The following DHRSX variants were observed in gnomAD, a reference collection of about 807,000 sequenced individuals.
DHRSX encodes polyprenol dehydrogenase.
A neutral mutation model predicts 34.0 loss-of-function variants in DHRSX; 31 were observed. The observed-to-expected ratio is 0.91, with a 90% CI of 0.69 to 1.23. The LOEUF is 1.23. Among genes scored for constraint, DHRSX ranks in the 50% most tolerant of loss-of-function variants. DHRSX has a pLI of 0.00. For synonymous variants in DHRSX, 201 were observed against 183.8 expected, an observed-to-expected ratio of 1.09 and a Z score of -0.76; for missense variants, 414 against 428.1, an observed-to-expected ratio of 0.97 and a Z score of 0.29.
chrX:2,459,831 G>A (rs930707239), intron 1 of DHRSX, among the ~76,000 whole-genome samples: 4 of 152,076 alleles, frequency 2.6e-5, no homozygotes, highest in Admixed American at 2.0e-4. Context: ...CACTGGGCCG[G>A]GCGCGGTGGC....
At position 2,473,132 on chromosome X, in the gene DHRSX, C is replaced by G. The variant is rs147343800; in HGVS notation, c.109+27685G>C. ...CCTCACCAGCCTCAGGAACGTGGCA[C>G]AGTCAGCTCGCCACAGGGGTGACCC... On this transcript the variant is annotated intron_variant, in intron 1 of 6. Coordinates refer to ENST00000334651, the MANE Select transcript of DHRSX (RefSeq NM_145177.3). Among the ~76,000 whole-genome samples, 472 of 144,600 alleles carry G rather than the reference C, an allele frequency of 3.3e-3. 8 individuals carry two copies. Among genetic ancestry groups the G allele is most frequent in the African/African-American group, 0.012 (417 of 35,752 alleles). 94.9% of individuals were successfully genotyped at this position (144,600 alleles called of 152,430 possible).
intron 3 of DHRSX, among the ~76,000 whole-genome samples, chrX:2,363,161 G>A (rs113597164): frequency 0.013 from 855 of 64,912 alleles, no homozygotes; most frequent in Non-Finnish European, 0.021. Context: ...CCGTTCTATG[G>A]TATCATGCCG....
At chrX:2,288,980 G>A (rs753993361) in intron 4 of DHRSX, among the ~76,000 whole-genome samples, 25 of 152,282 alleles carry the variant, frequency 1.6e-4, no homozygotes, top group African/African-American at 5.8e-4. Context: ...TGGAGTATAC[G>A]CTGGTTAGCC....
At chrX:2,428,285 G>C (rs1291488101) in intron 1 of DHRSX, among the ~76,000 whole-genome samples, 1 of 152,050 alleles carries the variant, frequency 6.6e-6, no homozygotes, top group East Asian at 1.9e-4. Context: ...AATAGAAATA[G>C]GTTTATAAAT....
Position 2,266,482 on chromosome X carries a change from G to A in DHRSX, c.596+258C>T, listed in dbSNP as rs747115785. Among the ~76,000 whole-genome samples the A allele has an allele frequency of 1.1e-4, 14 of 129,196 alleles. No individual in the cohort carries two copies. The South Asian group carries it at 2.7e-3, about 25-fold the overall frequency. The allele number at this position is 129,196 out of a possible 152,430, so 84.8% of individuals were successfully genotyped here. A position where few individuals can be genotyped will look rare whatever the true frequency, so the allele number is the denominator to read the frequency against. Reference sequence around the variant, plus strand: ...CACTGTTCCCAGAGCACCAGTGCTCGGCAGACGCAGGGAGCACTGTCCCCA... The same window carrying A: ...CACTGTTCCCAGAGCACCAGTGCTCAGCAGACGCAGGGAGCACTGTCCCCA... On this transcript the variant is annotated intron_variant, in intron 5 of 6. Transcript: ENST00000334651.
intron 6 of DHRSX, among the ~76,000 whole-genome samples, chrX:2,235,082 G>C (rs1295546736): frequency 6.6e-6 from 1 of 152,184 alleles, no homozygotes; most frequent in Non-Finnish European, 1.5e-5. Context: ...GTTGCTAGGA[G>C]CTAGGAACAG....
chrX:2,346,947 G>C (rs1258742840), intron 3 of DHRSX, among the ~76,000 whole-genome samples: 5 of 152,088 alleles, frequency 3.3e-5, no homozygotes, highest in Admixed American at 1.3e-4. Flanking sequence ...ATGGTTTCCA[G>C]CTTCATCCAT....
At chrX:2,313,979 A>T (rs2042194914) in intron 3 of DHRSX, among the ~76,000 whole-genome samples, 1 of 151,904 alleles carries the variant, frequency 6.6e-6, no homozygotes, top group Non-Finnish European at 1.5e-5. Flanking sequence ...GAAGACCTGG[A>T]ATCAACAGAA....
Position 2,231,896 on chromosome X carries a change from T to TC in DHRSX, c.805-10668dup, listed in dbSNP as rs1235335298. ...TTCTCCAACTTCTTCCTCCTCCTCC[T>TC]CTTTCTCTTATCTTCTTCTTTTCCT... On this transcript the variant is annotated intron_variant, in intron 6 of 6. Transcript: ENST00000334651. Among the ~76,000 whole-genome samples the TC allele has an allele frequency of 2.7e-5, 4 of 150,116 alleles. No homozygotes were observed. In the East Asian group the frequency reaches 7.8e-4, roughly 29 times the overall value.
intron 3 of DHRSX, among the ~76,000 whole-genome samples, chrX:2,389,023 TGA>T (rs1206342438): frequency 1.3e-5 from 2 of 152,168 alleles, no homozygotes; most frequent in East Asian, 1.9e-4. Flanking sequence ...TCTACAGCTG[TGA>T]GAGAATAAGT....
chrX:2,240,114 G>A (rs36079783), intron 6 of DHRSX, among the ~76,000 whole-genome samples: 3,860 of 152,052 alleles, frequency 0.025, 96 homozygotes, highest in African/African-American at 0.059. Context: ...GCAACATAAT[G>A]AAACCCCGTC....
intron 3 of DHRSX, among the ~76,000 whole-genome samples, chrX:2,319,832 A>C (rs754321682): frequency 1.3e-5 from 2 of 151,786 alleles, no homozygotes; most frequent in South Asian, 4.2e-4. Flanking sequence ...TCAGCTGTAT[A>C]TACATATTTT....
At chrX:2,417,545 A>G (rs955900806) in intron 2 of DHRSX, among the ~76,000 whole-genome samples, 2 of 151,928 alleles carry the variant, frequency 1.3e-5, no homozygotes, top group African/African-American at 4.8e-5. Flanking sequence ...ACTAGGCCTC[A>G]TCATGACCTT....
At chrX:2,338,986 C>T (rs73630277) in intron 3 of DHRSX, among the ~76,000 whole-genome samples, 5,437 of 152,008 alleles carry the variant, frequency 0.036, 343 homozygotes, top group African/African-American at 0.13. Context: ...CTGGTACACT[C>T]ATGGAATGAT....
chrX:2,464,106 A>C (rs1359115285), intron 1 of DHRSX, among the ~76,000 whole-genome samples: 1 of 152,014 alleles, frequency 6.6e-6, no homozygotes, highest in Non-Finnish European at 1.5e-5. Context: ...TTCCCTAAGT[A>C]CGTGGCTAAG....
At chrX:2,406,615 A>G (rs1031993403) in intron 3 of DHRSX, among the ~76,000 whole-genome samples, 1 of 151,592 alleles carries the variant, frequency 6.6e-6, no homozygotes, top group African/African-American at 2.4e-5. Flanking sequence ...TAATTTTTGT[A>G]TTTTTAGTAG....
chrX:2,274,811 C>T (rs977182218), intron 4 of DHRSX, among the ~76,000 whole-genome samples: 13 of 152,100 alleles, frequency 8.5e-5, no homozygotes, highest in African/African-American at 2.7e-4. Context: ...ATTTACGGAA[C>T]GAAAGCCTGA....
chrX:2,254,065 A>AT (rs1199655401), intron 5 of DHRSX, among the ~76,000 whole-genome samples: 2 of 152,062 alleles, frequency 1.3e-5, no homozygotes, highest in Non-Finnish European at 2.9e-5. Context: ...GTCTCAAAAA[A>AT]AAACAAAAAG....
chrX:2,491,818 G>A (rs907870998), intron 1 of DHRSX, among the ~76,000 whole-genome samples: 6 of 152,198 alleles, frequency 3.9e-5, no homozygotes, highest in African/African-American at 1.4e-4. Flanking sequence ...ACACACCTGT[G>A]CAAACATCAG....
Sources: allele counts gnomAD v4.1 joint callset (sites outside exome capture counted in the v4.1 genomes callset), GRCh38; gene constraint gnomAD v4.1.1; transcripts MANE v1.5; gene names NCBI Gene and HGNC (gene_info 2026-07-23, HGNC 2026-07-21).